CDA: variants seen among roughly 807,000 people sequenced by gnomAD.
CDA encodes cytidine deaminase.
Under a neutral mutation model 15.0 loss-of-function variants are expected in CDA, and 7 were observed. The observed-to-expected ratio is 0.47, with a 90% CI of 0.26 to 0.87. The LOEUF is 0.87. Among genes scored for constraint, CDA ranks in the 40% least tolerant of loss-of-function variants. The pLI is 0.15. For missense variants in CDA, 159 were observed against 182.7 expected, an observed-to-expected ratio of 0.87 and a Z score of 0.75; for synonymous variants, 58 against 73.0, an observed-to-expected ratio of 0.79 and a Z score of 1.05.
intron 2 of CDA, among the ~76,000 whole-genome samples, chr1:20,611,022 T>C (rs1238680681): frequency 6.6e-6 from 1 of 152,184 alleles, no homozygotes; most frequent in Non-Finnish European, 1.5e-5. Flanking sequence ...CAAAGATCTC[T>C]TGAGCCCAGA....
At chr1:20,612,191 C>T (rs931628801) in intron 2 of CDA, among the ~76,000 whole-genome samples, 9 of 152,156 alleles carry the variant, frequency 5.9e-5, no homozygotes, top group African/African-American at 1.4e-4. Context: ...CCTTCGCCTA[C>T]GACACAGAGA....
At position 20,589,224 on chromosome 1, in the gene CDA, C is replaced by T. The variant is rs1310696724; in HGVS notation, c.95C>T (p.Pro32Leu). ...GAGGCCAAGAAGTCAGCCTACTGCC[C>T]CTACAGTCACTTTCCTGTGGGGGCT... is the stretch of plus-strand genomic sequence containing the variant. ...SQEAKKSAYC[P>L]YSHFPVGAAL... Residue 32 changes from proline (P) to leucine (L), a missense_variant, in exon 1 of 4, where the codon CCC becomes CTC. Pro to Leu is a moderately conservative substitution (Grantham distance 98). Transcript: ENST00000375071. 5.0e-6 allele frequency: 8 copies of T among 1,613,738 alleles called. No homozygotes were observed. The Admixed American group carries it at 1.3e-4, about 27-fold the overall frequency.
chr1:20,597,473 C>T (rs570642099), intron 1 of CDA, among the ~76,000 whole-genome samples: 1 of 152,276 alleles, frequency 6.6e-6, no homozygotes, highest in South Asian at 2.1e-4. Context: ...TCGTATCTCA[C>T]AGGCCAGGAT....
At chr1:20,616,257 G>A (rs1253468457) in intron 3 of CDA, among the ~76,000 whole-genome samples, 1 of 152,160 alleles carries the variant, frequency 6.6e-6, no homozygotes, top group Non-Finnish European at 1.5e-5. Flanking sequence ...AACCATGGAG[G>A]AAACATAATG....
chr1:20,601,164 C>A (rs2320237), intron 1 of CDA, among the ~76,000 whole-genome samples: 17,752 of 152,248 alleles, frequency 0.12, 1,121 homozygotes, highest in East Asian at 0.17. Flanking sequence ...TTCCATCTCT[C>A]TTCTCTCATC....
At chr1:20,589,587 C>G (rs589942) in intron 1 of CDA, among the ~76,000 whole-genome samples, 37,465 of 152,146 alleles carry the variant, frequency 0.25, 5,613 homozygotes, top group Middle Eastern at 0.4. Context: ...GCAGGGAGAG[C>G]GTTCGTGCTT....
At chr1:20,599,671 A>ATAAAATAAAATATAAAATAAAATAAAG (rs2052624347) in intron 1 of CDA, among the ~76,000 whole-genome samples, 2 of 149,078 alleles carry the variant, frequency 1.3e-5, no homozygotes, top group African/African-American at 5.2e-5. Context: ...ATAAAATAAA[A>ATAAAATAAAATATAAAATAAAATAAAG]ATAAAGGATT....
At chr1:20,602,751 G>A (rs1299822507) in intron 1 of CDA, among the ~76,000 whole-genome samples, 2 of 152,164 alleles carry the variant, frequency 1.3e-5, no homozygotes, top group Non-Finnish European at 2.9e-5. Context: ...CAGGCTTGTG[G>A]CTTCTTTGGC....
chr1:20,606,965 T>C (rs1057220873), intron 2 of CDA, among the ~76,000 whole-genome samples: 4 of 152,122 alleles, frequency 2.6e-5, no homozygotes, highest in South Asian at 2.1e-4. Context: ...GCAAGAAAAA[T>C]GACATGGGAA....
chr1:20,608,933 TA>T (rs1021728363), intron 2 of CDA, among the ~76,000 whole-genome samples: 6 of 152,232 alleles, frequency 3.9e-5, no homozygotes, highest in African/African-American at 1.4e-4. Flanking sequence ...TTAAATGAAC[TA>T]ATCCACTTAA....
rs532846117 is a variant in CDA, at chr1:20,598,893, A to G, written c.155-6035A>G. The stretch of plus-strand genomic sequence containing the variant: ...CTGTTCCAGGCCCAGGACATACCAC[A>G]ACACATGTTAGAGACAAAATCTCTG... On this transcript the variant is annotated intron_variant, in intron 1 of 3. Coordinates refer to ENST00000375071, the MANE Select transcript of CDA (RefSeq NM_001785.3). Among the ~76,000 whole-genome samples, 91 of 152,372 alleles carry G rather than the reference A, an allele frequency of 6.0e-4. 1 individual carries two copies. The highest frequency in any genetic ancestry group is 3.4e-3 in the Middle Eastern group (1 of 294).
At chr1:20,591,624 T>A (rs531565486) in intron 1 of CDA, among the ~76,000 whole-genome samples, 5 of 152,078 alleles carry the variant, frequency 3.3e-5, no homozygotes, top group African/African-American at 1.2e-4. Flanking sequence ...AAGGAAGGAA[T>A]GGAGGAGATA....
Position 20,589,240 on chromosome 1 carries a change from T to C in CDA, c.111T>C (p.Pro37=), listed in dbSNP as rs900948538. 3.1e-6 allele frequency: 5 copies of C among 1,613,686 alleles called. No homozygotes were observed. The African/African-American group carries it at 5.3e-5, about 17-fold the overall frequency. Residue 37 remains proline (P), a synonymous_variant, in exon 1 of 4, where the codon CCT becomes CCC. Coordinates refer to ENST00000375071, the MANE Select transcript of CDA (RefSeq NM_001785.3). ...KSAYCPYSHF[P]VGAALLTQEG... is the part of the protein sequence containing the mutation. ...CCTACTGCCCCTACAGTCACTTTCC[T>C]GTGGGGGCTGCCCTGCTCACCCAGG...
chr1:20,605,162 G>C (rs1570381818), intron 2 of CDA, 123 bp downstream of exon 2: 1 of 732,812 alleles, frequency 1.4e-6, no homozygotes, highest in East Asian at 2.7e-5. Flanking sequence ...CTATGTGCCA[G>C]GCACTGTACA....
At chr1:20,610,361 G>T (rs2052737923) in intron 2 of CDA, among the ~76,000 whole-genome samples, 1 of 150,388 alleles carries the variant, frequency 6.6e-6, no homozygotes, top group Non-Finnish European at 1.5e-5. Context: ...GAGTGCAGTG[G>T]CATGATCTCG....
At chr1:20,597,166 TG>T (rs2052598974) in intron 1 of CDA, among the ~76,000 whole-genome samples, 1 of 152,106 alleles carries the variant, frequency 6.6e-6, no homozygotes. Context: ...AAGAAGAGTC[TG>T]GCCGGGCGCC....
chr1:20,602,867 C>T (rs1318507441), intron 1 of CDA, among the ~76,000 whole-genome samples: 3 of 152,226 alleles, frequency 2.0e-5, no homozygotes, highest in Admixed American at 2.0e-4. Context: ...GGTTCTGAAG[C>T]CTGCCAACTC....
At chr1:20,600,687 G>A (rs2052634718) in intron 1 of CDA, among the ~76,000 whole-genome samples, 1 of 150,714 alleles carries the variant, frequency 6.6e-6, no homozygotes, top group Non-Finnish European at 1.5e-5. Flanking sequence ...CCAGGAGGTG[G>A]AGATTGCAGT....
At chr1:20,592,236 G>A (rs898939840) in intron 1 of CDA, among the ~76,000 whole-genome samples, 1 of 152,118 alleles carries the variant, frequency 6.6e-6, no homozygotes, top group East Asian at 1.9e-4. Context: ...GGCACGACAC[G>A]GCATGGCAGG....
Sources: gnomAD v4.1 joint callset for allele counts (sites outside exome capture counted in the v4.1 genomes callset) on GRCh38, gnomAD v4.1.1 for gene constraint, MANE v1.5 for transcripts, NCBI Gene and HGNC (gene_info 2026-07-23, HGNC 2026-07-21) for gene names.